SLC16A6: variants seen among roughly 807,000 people sequenced by gnomAD.
The protein encoded by SLC16A6 is monocarboxylate transporter 7.
A neutral mutation model predicts 33.8 loss-of-function variants in SLC16A6; 15 were observed. The ratio of observed to expected loss-of-function variants is 0.44; its 90% CI spans 0.30 to 0.68. The LOEUF (loss-of-function observed/expected upper bound fraction) is 0.68. SLC16A6 is among the 30% of genes least tolerant of loss of function. The pLI, the probability that SLC16A6 is intolerant of heterozygous loss-of-function variation, is 0.10. For synonymous variants in SLC16A6, 219 were observed against 248.4 expected (o/e 0.88, Z 1.11); for missense variants, 451 against 661.5 (o/e 0.68, Z 3.49).
At position 68,278,071 on chromosome 17, in the gene SLC16A6, G is replaced by C. The variant is rs1188663250; in HGVS notation, c.232+18C>G. 2 of 1,570,048 alleles carry C rather than the reference G, an allele frequency of 1.3e-6. No individual in the cohort carries two copies. The highest frequency in any genetic ancestry group is 3.4e-5 in the Admixed American group (2 of 59,674). ...GGCCCTATACTTACGTCATGGTTAG[G>C]CCGAAAGATGTACTAACCTGAAAAT... On this transcript the variant is annotated intron_variant, in intron 2 of 5. Transcript: ENST00000580666.
intron 1 of SLC16A6, among the ~76,000 whole-genome samples, chr17:68,287,438 G>A (rs1415943894): frequency 6.6e-6 from 1 of 151,902 alleles, no homozygotes; most frequent in Non-Finnish European, 1.5e-5. Flanking sequence ...AGTATTAAAC[G>A]TGTGAGCCAC....
chr17:68,291,284 C>G (rs1464892086), upstream of SLC16A6: 1 of 150,630 alleles, frequency 6.6e-6, no homozygotes, highest in East Asian at 2.0e-4. Flanking sequence ...ACTCGGGCAC[C>G]CGAGCCACAC....
At position 68,271,751 on chromosome 17, in the gene SLC16A6, G is replaced by A; in HGVS notation, c.506-97C>T. The stretch of plus-strand genomic sequence containing the variant: ...AAGAAGAAATATGGATCCAGATTTT[G>A]TTATAAGTTCTGTGGAAATTTATTA... On this transcript the variant is annotated intron_variant, in intron 4 of 5. Transcript: ENST00000580666. The surrounding 1 kb of genome is among the most constrained non-coding windows in gnomAD (Gnocchi z 5.3). The A allele has an allele frequency of 1.1e-6, 1 of 904,958 alleles. No homozygotes were observed. The highest frequency in any genetic ancestry group is 1.7e-6 in the Non-Finnish European group (1 of 596,606). The allele number at this position is 904,958 out of a possible 1,614,324, so 56.1% of individuals were successfully genotyped here. A position where few individuals can be genotyped will look rare whatever the true frequency, so the allele number is the denominator to read the frequency against.
At chr17:68,276,033 G>A (rs2075506394) in intron 2 of SLC16A6, among the ~76,000 whole-genome samples, 1 of 151,938 alleles carries the variant, frequency 6.6e-6, no homozygotes, top group South Asian at 2.1e-4. Context: ...ATAGAACCAG[G>A]AATGACTTCA....
Position 68,270,515 on chromosome 17 carries a change from C to T in SLC16A6, c.1321+324G>A, listed in dbSNP as rs558508916. ...GTTGCAGTGAGCTGAGACTGCGCCACTGCACTCCAGCCTGGGTGATAGAGC... is the reference window on the plus strand; with the variant it reads ...GTTGCAGTGAGCTGAGACTGCGCCATTGCACTCCAGCCTGGGTGATAGAGC... On this transcript the variant is annotated intron_variant, in intron 5 of 5. Coordinates refer to ENST00000580666, the MANE Select transcript of SLC16A6 (RefSeq NM_004694.5). 1.4e-3 allele frequency among the ~76,000 whole-genome samples: 206 copies of T among 150,426 alleles called. 1 individual carries two copies. Among genetic ancestry groups the T allele is most frequent in the Non-Finnish European group, 2.6e-3 (176 of 67,778 alleles).
chr17:68,275,867 C>T (rs566328832), intron 2 of SLC16A6, among the ~76,000 whole-genome samples: 2 of 151,644 alleles, frequency 1.3e-5, no homozygotes, highest in South Asian at 2.1e-4. Flanking sequence ...CCTGTAATCC[C>T]AGCTACTCGG....
chr17:68,281,831 G>A (rs1004158304), intron 1 of SLC16A6, among the ~76,000 whole-genome samples: 3 of 151,942 alleles, frequency 2.0e-5, no homozygotes, highest in African/African-American at 4.8e-5. Flanking sequence ...AAACTAGTAC[G>A]GCCAATAAGG....
At chr17:68,280,179 C>CAAAAAAAAAAAAAAAAAAAAAAAA (rs58937538) in intron 1 of SLC16A6, among the ~76,000 whole-genome samples, 1 of 87,568 alleles carries the variant, frequency 1.1e-5, no homozygotes. Context: ...AACTCTGTCT[C>CAAAAAAAAAAAAAAAAAAAAAAAA]AAAAAAAAAA....
chr17:68,280,404 A>C (rs1037356415), intron 1 of SLC16A6, among the ~76,000 whole-genome samples: 1 of 152,184 alleles, frequency 6.6e-6, no homozygotes, highest in Admixed American at 6.5e-5. Context: ...ACAACACAAC[A>C]GTAATCAAAA....
Position 68,271,466 on chromosome 17 carries a change from G to C in SLC16A6, c.694C>G (p.Arg232Gly). 6.2e-7 allele frequency: 1 copy of C among 1,614,094 alleles called. No homozygotes were observed. Among genetic ancestry groups the C allele is most frequent in the Non-Finnish European group, 8.5e-7 (1 of 1,180,030 alleles). Reference protein sequence around the residue: ...AQYMLENEKTRTSIDSIDSGV... With the variant: ...AQYMLENEKTGTSIDSIDSGV... The stretch of plus-strand genomic sequence containing the variant: ...GAGTCAATGGAGTCTATTGAGGTTC[G>C]TGTTTTCTCATTTTCAAGCATATAC... Residue 232 changes from arginine (R) to glycine (G), a missense_variant, in exon 5 of 6, where the codon CGA becomes GGA. Coordinates refer to ENST00000580666, the MANE Select transcript of SLC16A6 (RefSeq NM_004694.5). The surrounding 1 kb of genome is among the most constrained non-coding windows in gnomAD (Gnocchi z 5.3).
intron 2 of SLC16A6, among the ~76,000 whole-genome samples, chr17:68,276,673 C>T (rs1181336618): frequency 6.6e-6 from 1 of 152,074 alleles, no homozygotes; most frequent in Non-Finnish European, 1.5e-5. Flanking sequence ...AGGCTAGTCT[C>T]AAACTCTAGG....
Position 68,271,079 on chromosome 17 carries a change from T to C in SLC16A6, c.1081A>G (p.Ile361Val), listed in dbSNP as rs1555748388. The C allele has an allele frequency of 6.2e-7, 1 of 1,614,192 alleles. No individual in the cohort carries two copies. Among genetic ancestry groups the C allele is most frequent in the Non-Finnish European group, 8.5e-7 (1 of 1,180,044 alleles). ...LNREPIRKIY[I>V]ELICVILLTV... ...AATAAGATGACGCAGATGAGCTCAA[T>C]GTAAATCTTACGAATGGGCTCCCTG... Residue 361 changes from isoleucine (I) to valine (V), a missense_variant, in exon 5 of 6, where the codon ATT (isoleucine) becomes GTT (valine). Around this residue, in one of 2 missense-constraint regions of SLC16A6, gnomAD observed 405 missense variants for 510.7 expected, o/e 0.79. Coordinates refer to ENST00000580666, the MANE Select transcript of SLC16A6 (RefSeq NM_004694.5). The surrounding 1 kb of genome is among the most constrained non-coding windows in gnomAD (Gnocchi z 5.3).
intron 1 of SLC16A6, among the ~76,000 whole-genome samples, chr17:68,282,015 G>C (rs140503465): frequency 6.6e-6 from 1 of 152,140 alleles, no homozygotes; most frequent in Non-Finnish European, 1.5e-5. Context: ...ATACCCAAAG[G>C]ATTATAAATC....
chr17:68,269,037 G>C lies in SLC16A6; in HGVS notation c.*59C>G. On this transcript the variant is annotated 3_prime_UTR_variant, in exon 6 of 6. Coordinates refer to ENST00000580666, the MANE Select transcript of SLC16A6 (RefSeq NM_004694.5). ...AGCTCCTCTGCCTCCTTGTGTCCCC[G>C]TTGGGCCCACCCCATCCCTCTCCAG... 1.3e-6 allele frequency: 2 copies of C among 1,592,754 alleles called. No individual in the cohort carries two copies. The highest frequency in any genetic ancestry group is 1.7e-6 in the Non-Finnish European group (2 of 1,170,284).
chr17:68,269,967 C>T (rs1350881884), intron 5 of SLC16A6, among the ~76,000 whole-genome samples: 1 of 152,096 alleles, frequency 6.6e-6, no homozygotes, highest in Non-Finnish European at 1.5e-5. Context: ...GCCACTGCGC[C>T]CGGCCCGTTT....
At chr17:68,281,961 G>C (rs987068254) in intron 1 of SLC16A6, among the ~76,000 whole-genome samples, 1 of 152,146 alleles carries the variant, frequency 6.6e-6, no homozygotes, top group East Asian at 1.9e-4. Flanking sequence ...CAAGGATCTA[G>C]AACTGGAAAT....
chr17:68,269,357 G>GT lies in SLC16A6; in HGVS notation c.1322-12_1322-11insA, dbSNP rs2075254664. Reference sequence around the variant, plus strand: ...GGTCCACCAACAAACCTGGAAGAGAGCATGGCGTCCGTTAACAGCATCCTT... The same window carrying GT: ...GGTCCACCAACAAACCTGGAAGAGAGTCATGGCGTCCGTTAACAGCATCCTT... On this transcript the variant is annotated splice_polypyrimidine_tract_variant and intron_variant, in intron 5 of 5. Transcript: ENST00000580666. 1 of 1,107,722 alleles carries GT rather than the reference G, an allele frequency of 9.0e-7. No individual in the cohort carries two copies. 68.6% of individuals were successfully genotyped at this position (1,107,722 alleles called of 1,614,324 possible).
rs566494078 is a variant in SLC16A6 at position 68,281,245 on chromosome 17, CA to C, written c.-7-2919del. Among the ~76,000 whole-genome samples the C allele has an allele frequency of 6.6e-5, 10 of 151,966 alleles. No individual in the cohort carries two copies. The East Asian group carries it at 1.7e-3, about 26-fold the overall frequency. ...ACAAGGAACTCAAACATCTTAACAG[CA>C]AAAAAACTCCCCAACAATCTGGCTT... On this transcript the variant is annotated intron_variant, in intron 1 of 5. Transcript: ENST00000580666.
intron 2 of SLC16A6, 70 bp from the exon 3 acceptor site, chr17:68,274,140 C>T (rs1555750159): frequency 6.6e-7 from 1 of 1,518,744 alleles, no homozygotes. Context: ...AAGACTCCTT[C>T]CTCCACGTCT....
Sources: gnomAD v4.1 joint callset for allele counts (sites outside exome capture counted in the v4.1 genomes callset) on GRCh38, gnomAD v4.1.1 for gene constraint, gnomAD v4.1.1 regional missense constraint, Gnocchi (gnomAD v3.1) non-coding constraint, MANE v1.5 for transcripts, NCBI Gene and HGNC (gene_info 2026-07-23, HGNC 2026-07-21) for gene names.